ESD: variants seen among roughly 807,000 people sequenced by gnomAD.
ESD encodes the protein esterase D, also known as S-formylglutathione hydrolase.
Under a neutral mutation model 38.1 loss-of-function variants are expected in ESD, and 34 were observed. That is an observed-to-expected ratio of 0.89 (90% CI 0.68 to 1.19). ESD has a LOEUF of 1.19. Among genes scored for constraint, ESD ranks in the 50% most tolerant of loss-of-function variants. ESD has a pLI of 0.00. For missense variants in ESD, 334 were observed against 327.2 expected (o/e 1.02, Z -0.16); for synonymous variants, 97 against 107.0 (o/e 0.91, Z 0.58).
intron 8 of ESD, among the ~76,000 whole-genome samples, chr13:46,778,998 T>C (rs1248682854): frequency 6.6e-6 from 1 of 151,448 alleles, no homozygotes; most frequent in South Asian, 2.1e-4. Context: ...TTGCATTTTT[T>C]ACCCATTCAA....
At chr13:46,793,813 T>C (rs1209142990) in intron 1 of ESD, among the ~76,000 whole-genome samples, 1 of 152,130 alleles carries the variant, frequency 6.6e-6, no homozygotes, top group Non-Finnish European at 1.5e-5. Context: ...GAGTGGGGAC[T>C]AGGTAAGTAG....
chr13:46,784,746 G>C (rs1419487861), intron 4 of ESD, among the ~76,000 whole-genome samples: 3 of 151,794 alleles, frequency 2.0e-5, no homozygotes, highest in Non-Finnish European at 2.9e-5. Context: ...CACAAAATTT[G>C]TAATAGTATT....
At chr13:46,779,451 C>T (rs909732475) in intron 8 of ESD, among the ~76,000 whole-genome samples, 4 of 151,222 alleles carry the variant, frequency 2.6e-5, no homozygotes, top group South Asian at 2.1e-4. Flanking sequence ...ACCCACATGA[C>T]GCTTAAAGGT....
At chr13:46,777,954 A>G (rs1874863390) in intron 8 of ESD, among the ~76,000 whole-genome samples, 3 of 151,470 alleles carry the variant, frequency 2.0e-5, no homozygotes, top group Non-Finnish European at 4.4e-5. Flanking sequence ...CAAGAACATG[A>G]TTTTTTTTCC....
intron 4 of ESD, among the ~76,000 whole-genome samples, chr13:46,784,839 T>C (rs1405213989): frequency 6.6e-6 from 1 of 152,000 alleles, no homozygotes; most frequent in Admixed American, 6.6e-5. Context: ...TAAAATCCTT[T>C]GGACCAGGAG....
intron 9 of ESD, chr13:46,776,393 C>T (rs959304951): frequency 1.3e-5 from 2 of 152,082 alleles, no homozygotes; most frequent in African/African-American, 2.4e-5. Context: ...AGCTCTAATT[C>T]CATTCCTTTG....
At chr13:46,786,763 T>C (rs910161843) in intron 4 of ESD, among the ~76,000 whole-genome samples, 4 of 151,990 alleles carry the variant, frequency 2.6e-5, no homozygotes. Context: ...ATAAGTTTTC[T>C]AAGCCCTTGC....
intron 9 of ESD, chr13:46,775,861 A>C: frequency 3.7e-6 from 1 of 268,544 alleles, no homozygotes; most frequent in South Asian, 3.5e-5. Context: ...TTAGAAACAA[A>C]TAAGTGGACT....
At chr13:46,791,673 C>T (rs1048911781) in intron 2 of ESD, among the ~76,000 whole-genome samples, 2 of 151,870 alleles carry the variant, frequency 1.3e-5, no homozygotes, top group African/African-American at 4.8e-5. Context: ...CAAGTTTTTT[C>T]GTTGTGGTGG....
chr13:46,789,138 C>T (rs1875301864), intron 3 of ESD, among the ~76,000 whole-genome samples: 1 of 152,094 alleles, frequency 6.6e-6, no homozygotes, highest in Non-Finnish European at 1.5e-5. Context: ...TAGTTGCTGC[C>T]TTAATATAGC....
intron 8 of ESD, among the ~76,000 whole-genome samples, chr13:46,778,101 C>T (rs1297487720): frequency 2.0e-5 from 3 of 151,630 alleles, no homozygotes; most frequent in African/African-American, 7.3e-5. Flanking sequence ...TAAACACATT[C>T]AGCCTTCTTT....
At chr13:46,797,439 C>G (rs1875633986), upstream of ESD, among the ~76,000 whole-genome samples, 1 of 152,248 alleles carries the variant, frequency 6.6e-6, no homozygotes, top group Non-Finnish European at 1.5e-5. Flanking sequence ...TGTGCGTGCT[C>G]AGACTCTTCC....
intron 8 of ESD, 22 bp from the exon 9 acceptor site, chr13:46,777,645 T>G (rs746319600): frequency 1.3e-6 from 2 of 1,564,964 alleles, no homozygotes; most frequent in Non-Finnish European, 8.7e-7. Context: ...GAAGTAACAT[T>G]GAAAAATAAA....
At position 46,791,335 on chromosome 13, in the gene ESD, T is replaced by C. The variant is rs762750402; in HGVS notation, c.68+11A>G. 2 of 1,600,432 alleles carry C rather than the reference T, an allele frequency of 1.2e-6. No homozygotes were observed. The highest frequency in any genetic ancestry group is 3.4e-5 in the Admixed American group (2 of 59,230). On this transcript the variant is annotated intron_variant, in intron 3 of 9. Coordinates refer to ENST00000378720, the MANE Select transcript of ESD (RefSeq NM_001984.2). ...ATGAGGTATCTAAAATTATATCTTCTTAATAGTTACCTGTCATGTTCAAAA... is the reference window on the plus strand; with the variant it reads ...ATGAGGTATCTAAAATTATATCTTCCTAATAGTTACCTGTCATGTTCAAAA...
intron 1 of ESD, among the ~76,000 whole-genome samples, chr13:46,795,667 T>C (rs1363885984): frequency 3.3e-5 from 5 of 152,172 alleles, no homozygotes; most frequent in Non-Finnish European, 7.3e-5. Flanking sequence ...ATTAAAACCA[T>C]GCAGGATCAC....
intron 4 of ESD, among the ~76,000 whole-genome samples, chr13:46,786,222 AC>A (rs1449576515): frequency 6.6e-6 from 1 of 151,996 alleles, no homozygotes; most frequent in Non-Finnish European, 1.5e-5. Flanking sequence ...CTTAATCTTT[AC>A]CCTTTAAGAT....
At chr13:46,794,176 C>T (rs371257890) in intron 1 of ESD, among the ~76,000 whole-genome samples, 28 of 151,622 alleles carry the variant, frequency 1.8e-4, no homozygotes, top group African/African-American at 6.8e-4. Context: ...ACAACAACAA[C>T]AACAACAACA....
chr13:46,786,340 G>T (rs1875191852), intron 4 of ESD, among the ~76,000 whole-genome samples: 1 of 152,042 alleles, frequency 6.6e-6, no homozygotes, highest in East Asian at 1.9e-4. Context: ...CAATTTGAAG[G>T]AAACAAAATT....
chr13:46,785,244 CAAT>C (rs1875152151), intron 4 of ESD, among the ~76,000 whole-genome samples: 1 of 151,936 alleles, frequency 6.6e-6, no homozygotes, highest in Non-Finnish European at 1.5e-5. Context: ...TCTAATACTA[CAAT>C]GATGTGAGAA....
Sources: allele counts gnomAD v4.1 joint callset (sites outside exome capture counted in the v4.1 genomes callset), GRCh38; gene constraint gnomAD v4.1.1; transcripts MANE v1.5; gene names NCBI Gene and HGNC (gene_info 2026-07-23, HGNC 2026-07-21).